The following ARHGAP42 variants were observed in gnomAD, a reference collection of about 807,000 sequenced individuals.
ARHGAP42 encodes the protein Rho GTPase activating protein 42.
Under a neutral mutation model 125.0 loss-of-function variants are expected in ARHGAP42, and 63 were observed. That is an observed-to-expected ratio of 0.50 (90% confidence interval 0.41 to 0.62). The LOEUF (loss-of-function observed/expected upper bound fraction) is 0.62, where lower values mean the gene tolerates loss of function less well. Ranked by LOEUF, ARHGAP42 falls within the 20% of genes least tolerant of loss-of-function variation. ARHGAP42 has a pLI of 0.00. For missense variants in ARHGAP42, 766 were observed against 1,024.2 expected, an observed-to-expected ratio of 0.75 and a Z score of 3.44; for synonymous variants, 339 against 351.0, an observed-to-expected ratio of 0.97 and a Z score of 0.38.
Position 100,974,473 on chromosome 11 carries a change from T to C in ARHGAP42, c.1725T>C (p.Ala575=). 6.5e-7 allele frequency: 1 copy of C among 1,549,506 alleles called. No individual in the cohort carries two copies. The highest frequency in any genetic ancestry group is 1.4e-5 in the African/African-American group (1 of 73,046). ...IEHYEKIFHT[A]PDPSIPLPQP... is the part of the protein sequence containing the mutation. ...CTTATACGTAGATTTTTCATACTGC[T>C]CCAGACCCAAGCATTCCTCTTCCTC... The change falls in exon 19 of 24, where the codon GCT becomes GCC. Residue 575 remains alanine (A), a synonymous_variant. Coordinates refer to ENST00000298815, the MANE Select transcript of ARHGAP42 (RefSeq NM_152432.4).
chr11:100,939,527 A>C (rs1288121716), intron 8 of ARHGAP42, among the ~76,000 whole-genome samples: 1 of 152,184 alleles, frequency 6.6e-6, no homozygotes, highest in Non-Finnish European at 1.5e-5. Context: ...TTTTCTTAAA[A>C]TGTTCTTTAT....
Position 100,976,808 on chromosome 11 carries a change from T to G in ARHGAP42, c.2237-7T>G, listed in dbSNP as rs1428468317. The G allele has an allele frequency of 1.3e-6, 2 of 1,549,446 alleles. No homozygotes were observed. Among genetic ancestry groups the G allele is most frequent in the Non-Finnish European group, 1.7e-6 (2 of 1,146,496 alleles). Reference sequence around the variant, plus strand: ...ACCTTGCCTATTTTCTTGGGCTTTCTTTTTAGGAAACAAGAGCTACAGTGG... The same window carrying G: ...ACCTTGCCTATTTTCTTGGGCTTTCGTTTTAGGAAACAAGAGCTACAGTGG... On this transcript the variant is annotated splice_polypyrimidine_tract_variant and splice_region_variant and intron_variant, in intron 20 of 23. Coordinates refer to ENST00000298815, the MANE Select transcript of ARHGAP42 (RefSeq NM_152432.4).
At chr11:100,704,015 A>G (rs1371277456) in intron 1 of ARHGAP42, among the ~76,000 whole-genome samples, 1 of 152,210 alleles carries the variant, frequency 6.6e-6, no homozygotes, top group East Asian at 1.9e-4. Flanking sequence ...AGAAAAGAAA[A>G]TGATGAAATT....
In ARHGAP42 at chr11:100,864,040, T is replaced by A. The variant is rs189608328; in HGVS notation, c.384+4415T>A. On this transcript the variant is annotated intron_variant, in intron 4 of 23. Transcript: ENST00000298815. ...TTTTTTGGATGCTTTTTGAATAAAT[T>A]GACAGCTCTATTTCCATTTCCATGA... Among the ~76,000 whole-genome samples the A allele has an allele frequency of 3.3e-5, 5 of 152,328 alleles. No individual in the cohort carries two copies. The East Asian group carries it at 9.6e-4, about 29-fold the overall frequency.
chr11:100,941,733 T>C, intron 8 of ARHGAP42, 51 bp from the exon 9 acceptor site: 1 of 1,171,414 alleles, frequency 8.5e-7, no homozygotes, highest in Non-Finnish European at 1.2e-6. Context: ...CAAACTTTGA[T>C]ACAAATCATT....
intron 5 of ARHGAP42, among the ~76,000 whole-genome samples, chr11:100,919,401 A>G (rs1421130107): frequency 6.6e-6 from 1 of 152,084 alleles, no homozygotes; most frequent in Non-Finnish European, 1.5e-5. Context: ...CCAAGGGCCA[A>G]CCTTGTAAGC....
intron 4 of ARHGAP42, among the ~76,000 whole-genome samples, chr11:100,877,546 T>C (rs1050662669): frequency 4.6e-5 from 7 of 152,252 alleles, no homozygotes; most frequent in African/African-American, 1.7e-4. Context: ...TCTGTAAAAT[T>C]CCTACCTCAG....
chr11:100,693,164 T>G (rs1164500320), intron 1 of ARHGAP42, among the ~76,000 whole-genome samples: 1 of 152,042 alleles, frequency 6.6e-6, no homozygotes, highest in Admixed American at 6.6e-5. Context: ...ACGTAGGTTT[T>G]TTTTTTTTTT....
At chr11:100,953,249 C>T (rs1857713265) in intron 12 of ARHGAP42, among the ~76,000 whole-genome samples, 3 of 152,078 alleles carry the variant, frequency 2.0e-5, no homozygotes, top group African/African-American at 7.2e-5. Context: ...ACTCACCGGC[C>T]ACTTCGAAGA....
Position 100,988,978 on chromosome 11 carries a change from G to T in ARHGAP42, c.*177G>T, listed in dbSNP as rs1767132237. ...ATTAATGGAAAAAAAGATTTAAATT[G>T]TTGGCCATTCTTTTTTGGTTGGTTT... On this transcript the variant is annotated 3_prime_UTR_variant, in exon 24 of 24. Transcript: ENST00000298815. The T allele has an allele frequency of 2.0e-6, 1 of 491,290 alleles. No individual in the cohort carries two copies. The highest frequency in any genetic ancestry group is 3.6e-6 in the Non-Finnish European group (1 of 276,860). The allele number at this position is 491,290 out of a possible 1,614,324, so 30.4% of individuals were successfully genotyped here.
chr11:100,945,034 C>T (rs1382580181), intron 10 of ARHGAP42, among the ~76,000 whole-genome samples: 1 of 152,060 alleles, frequency 6.6e-6, no homozygotes, highest in African/African-American at 2.4e-5. Flanking sequence ...TCCTTTCAAA[C>T]CCTGCCCTAC....
intron 1 of ARHGAP42, among the ~76,000 whole-genome samples, chr11:100,750,395 C>CG (rs1254548491): frequency 1.4e-5 from 2 of 141,848 alleles, no homozygotes; most frequent in African/African-American, 2.6e-5. Context: ...AAGAGAGTGA[C>CG]GGGGTGAGTG....
At position 100,987,737 on chromosome 11, in the gene ARHGAP42, T is replaced by G. The variant is rs556226035; in HGVS notation, c.2536+145T>G. On this transcript the variant is annotated intron_variant, in intron 23 of 23. Transcript: ENST00000298815. ...CTCATAACGGGCATGCATGAACACA[T>G]CAAATCCCTCTGGGTGGCATGCATC... 4.8e-5 allele frequency: 34 copies of G among 711,666 alleles called. No homozygotes were observed. The African/African-American group carries it at 5.8e-4, about 12-fold the overall frequency. The allele number at this position is 711,666 out of a possible 1,614,324, so 44.1% of individuals were successfully genotyped here.
intron 2 of ARHGAP42, among the ~76,000 whole-genome samples, chr11:100,791,454 A>G (rs143175885): frequency 1.3e-5 from 2 of 152,364 alleles, no homozygotes; most frequent in Non-Finnish European, 1.5e-5. Flanking sequence ...TGATATTATT[A>G]TAAATGAAAG....
chr11:100,951,010 C>T (rs1857635837), intron 12 of ARHGAP42, among the ~76,000 whole-genome samples: 1 of 152,034 alleles, frequency 6.6e-6, no homozygotes, highest in South Asian at 2.1e-4. Context: ...GCCACTGTGC[C>T]TGGCCAACCC....
chr11:100,770,871 G>A lies in ARHGAP42; in HGVS notation c.250+433G>A, dbSNP rs997705567. On this transcript the variant is annotated intron_variant, in intron 2 of 23. Coordinates refer to ENST00000298815, the MANE Select transcript of ARHGAP42 (RefSeq NM_152432.4). ...TGGGATTACTGGCGTGAGCCACTGC[G>A]CTTGGCCTAAAGAAAATATTATAAA... 4.6e-5 allele frequency among the ~76,000 whole-genome samples: 7 copies of A among 152,318 alleles called. No homozygotes were observed. In the South Asian group the frequency reaches 6.2e-4, roughly 14 times the overall value.
intron 5 of ARHGAP42, among the ~76,000 whole-genome samples, chr11:100,917,015 T>TTGTGTGTG (rs6144479): frequency 0.039 from 5,884 of 149,522 alleles, 152 homozygotes; most frequent in Non-Finnish European, 0.054. Flanking sequence ...TAAAATAAGT[T>TTGTGTGTG]TGTGTGTGTG....
At chr11:100,856,259 G>A (rs1865320562) in intron 3 of ARHGAP42, among the ~76,000 whole-genome samples, 1 of 151,994 alleles carries the variant, frequency 6.6e-6, no homozygotes, top group Non-Finnish European at 1.5e-5. Context: ...TTTTAAATAA[G>A]GGTTTCCTAC....
rs146642687 is a variant in ARHGAP42, at chr11:100,861,543, A to G, written c.384+1918A>G. 2.0e-4 allele frequency among the ~76,000 whole-genome samples: 31 copies of G among 152,308 alleles called. 2 individuals carry two copies. Among genetic ancestry groups the G allele is most frequent in the African/African-American group, 7.5e-4 (31 of 41,566 alleles). On this transcript the variant is annotated intron_variant, in intron 4 of 23. Transcript: ENST00000298815. ...AGTGGCTTTAGATAAGGAGGGTGAA[A>G]GTAACTGGGGACAAGGAGATGTATG...
Sources: gnomAD v4.1 joint callset for allele counts (sites outside exome capture counted in the v4.1 genomes callset) on GRCh38, gnomAD v4.1.1 for gene constraint, MANE v1.5 for transcripts, NCBI Gene and HGNC (gene_info 2026-07-23, HGNC 2026-07-21) for gene names.